The following VPS53 variants were observed in gnomAD, a reference collection of about 807,000 sequenced individuals.
VPS53 encodes vacuolar protein sorting-associated protein 53 homolog.
In VPS53, 70 loss-of-function variants were observed where a neutral mutation model predicts 107.0. The observed-to-expected ratio is 0.65, with a 90% CI of 0.54 to 0.80. The LOEUF (loss-of-function observed/expected upper bound fraction) is 0.80. VPS53 is among the 30% of genes least tolerant of loss of function. The pLI is 0.00. For synonymous variants in VPS53, 409 were observed against 393.3 expected, an observed-to-expected ratio of 1.04 and a Z score of -0.47; for missense variants, 917 against 1,049.4, an observed-to-expected ratio of 0.87 and a Z score of 1.74.
rs763511978 is a variant in VPS53, at chr17:562,573, C to A, written c.1486G>T (p.Ala496Ser). ...TACTTCTGGAAAATGGTGGTCAGGG[C>A]GATCATGGGCTCCCCAGTACTGAGC... is the stretch of plus-strand genomic sequence containing the variant. ...SQLSTGEPMI[A>S]LTTIFQKYLR... The change falls in exon 14 of 22, where the codon GCC (alanine) becomes TCC (serine). Residue 496 changes from alanine (A) to serine (S), a missense_variant. By Grantham distance (99) the Ala-to-Ser change is moderately conservative (BLOSUM62 1). Coordinates refer to ENST00000437048, the MANE Select transcript of VPS53 (RefSeq NM_001128159.3). The A allele has an allele frequency of 2.8e-5, 45 of 1,613,692 alleles. No individual in the cohort carries two copies. The South Asian group carries it at 4.6e-4, about 17-fold the overall frequency.
chr17:714,800 G>T lies in VPS53; in HGVS notation c.-91C>A. 1 of 1,422,600 alleles carries T rather than the reference G, an allele frequency of 7.0e-7. No homozygotes were observed. The highest frequency in any genetic ancestry group is 9.9e-7 in the Non-Finnish European group (1 of 1,012,868). The allele number at this position is 1,422,600 out of a possible 1,614,324, so 88.1% of individuals were successfully genotyped here. On this transcript the variant is annotated 5_prime_UTR_variant, in exon 1 of 22. Coordinates refer to ENST00000437048, the MANE Select transcript of VPS53 (RefSeq NM_001128159.3). ...GCCCCAGCACAGCAACTCCCTCGCG[G>T]CAGCGACCTGGTGAGCCCGGCTCCG...
chr17:665,816 C>A (rs1259886588), intron 4 of VPS53, among the ~76,000 whole-genome samples: 1 of 152,082 alleles, frequency 6.6e-6, no homozygotes, highest in Non-Finnish European at 1.5e-5. Context: ...ACAGCCTGGC[C>A]AACATGGTGA....
chr17:633,808 A>G (rs183305046), intron 7 of VPS53, among the ~76,000 whole-genome samples: 1 of 152,326 alleles, frequency 6.6e-6, no homozygotes, highest in African/African-American at 2.4e-5. Flanking sequence ...GTGAACTTTG[A>G]CATGAGAGAA....
chr17:667,789 G>A (rs560113612), intron 4 of VPS53, among the ~76,000 whole-genome samples: 130 of 152,242 alleles, frequency 8.5e-4, no homozygotes, highest in Middle Eastern at 3.4e-3. Context: ...GAACTGGGCC[G>A]CACAGCAGGA....
At chr17:573,035 A>G (rs1405551055) in intron 13 of VPS53, among the ~76,000 whole-genome samples, 1 of 152,182 alleles carries the variant, frequency 6.6e-6, no homozygotes, top group Admixed American at 6.5e-5. Flanking sequence ...TAAAAATAAA[A>G]ATAAAAATAA....
At chr17:594,918 A>G (rs1967878721) in intron 12 of VPS53, among the ~76,000 whole-genome samples, 1 of 54,268 alleles carries the variant, frequency 1.8e-5, no homozygotes, top group Non-Finnish European at 4.2e-5. Flanking sequence ...GGGAGATGGG[A>G]AGGGGTCTGG....
At position 630,312 on chromosome 17, in the gene VPS53, C is replaced by CA. The variant is rs576863272; in HGVS notation, c.687+1237dup. Among the ~76,000 whole-genome samples the CA allele has an allele frequency of 4.7e-3, 672 of 144,098 alleles. 3 individuals are homozygous for CA. Among genetic ancestry groups the CA allele is most frequent in the African/African-American group, 0.013 (491 of 39,174 alleles). 94.5% of individuals were successfully genotyped at this position (144,098 alleles called of 152,430 possible). Reference sequence around the variant, plus strand: ...GTCAAAAAAAAAACAAACAAACAAACAAAAAAAAAAACCTGAAACGGGCAG... The same window carrying CA: ...GTCAAAAAAAAAACAAACAAACAAACAAAAAAAAAAAACCTGAAACGGGCAG... On this transcript the variant is annotated intron_variant, in intron 8 of 21. Transcript: ENST00000437048.
intron 4 of VPS53, among the ~76,000 whole-genome samples, chr17:688,222 T>C (rs918548359): frequency 2.4e-4 from 37 of 152,004 alleles, no homozygotes; most frequent in African/African-American, 7.7e-4. Context: ...AACCACGGGG[T>C]GGTTTCTCCC....
rs2151782022 is a variant in VPS53, at chr17:510,484, ATATTG to A, written c.*8639_*8643del. On this transcript the variant is annotated 3_prime_UTR_variant, in exon 22 of 22. Coordinates refer to ENST00000437048, the MANE Select transcript of VPS53 (RefSeq NM_001128159.3). Reference sequence around the variant, plus strand: ...TCCTGGCTGACCCCTTACTAGTCACATATTGAATCCTGGCTGACCCCTTACTAGTC... The same window carrying A: ...TCCTGGCTGACCCCTTACTAGTCACAAATCCTGGCTGACCCCTTACTAGTC... 1 of 160,466 alleles carries A rather than the reference ATATTG, an allele frequency of 6.2e-6. No individual in the cohort carries two copies. The highest frequency in any genetic ancestry group is 1.4e-4 in the South Asian group (1 of 6,982). 9.9% of individuals were successfully genotyped at this position (160,466 alleles called of 1,614,324 possible). A position where few individuals can be genotyped will look rare whatever the true frequency, so the allele number is the denominator to read the frequency against.
chr17:697,624 G>A (rs1252134661), intron 3 of VPS53, 140 bp from the exon 4 acceptor site: 3 of 688,866 alleles, frequency 4.4e-6, no homozygotes, highest in East Asian at 5.5e-5. Flanking sequence ...ATGTGTGAGT[G>A]GCATCAGGCA....
chr17:706,472 G>C (rs1162840587), intron 2 of VPS53, among the ~76,000 whole-genome samples: 1 of 151,554 alleles, frequency 6.6e-6, no homozygotes, highest in Non-Finnish European at 1.5e-5. Context: ...AGGAGTTGGA[G>C]GTTGCAGTGA....
In VPS53 at chr17:514,888, GGAA is replaced by G. The variant is rs1446419958; in HGVS notation, c.*4237_*4239del. ...TACTGGCTCTTTGTTCTTCGAGAGA[GGAA>G]GGAGTGGCGGTAGTTAGCTTCAATC... On this transcript the variant is annotated 3_prime_UTR_variant, in exon 22 of 22. Coordinates refer to ENST00000437048, the MANE Select transcript of VPS53 (RefSeq NM_001128159.3). 6.6e-6 allele frequency: 1 copy of G among 152,240 alleles called. No individual in the cohort carries two copies. The highest frequency in any genetic ancestry group is 2.4e-5 in the African/African-American group (1 of 41,434). 9.4% of individuals were successfully genotyped at this position (152,240 alleles called of 1,614,324 possible). A position where few individuals can be genotyped will look rare whatever the true frequency, so the allele number is the denominator to read the frequency against.
chr17:640,223 T>C (rs576793964), intron 7 of VPS53, among the ~76,000 whole-genome samples: 2 of 152,200 alleles, frequency 1.3e-5, no homozygotes, highest in Non-Finnish European at 2.9e-5. Flanking sequence ...AATCTCCTGG[T>C]GTGCCATTTG....
At chr17:535,883 C>G (rs1361959546) in intron 18 of VPS53, among the ~76,000 whole-genome samples, 1 of 152,070 alleles carries the variant, frequency 6.6e-6, no homozygotes, top group Non-Finnish European at 1.5e-5. Flanking sequence ...TTGTGAGGTA[C>G]AGGGAAACTG....
At chr17:676,787 G>A (rs1217851073) in intron 4 of VPS53, among the ~76,000 whole-genome samples, 1 of 151,678 alleles carries the variant, frequency 6.6e-6, no homozygotes, top group Non-Finnish European at 1.5e-5. Context: ...TCTAAGGTCA[G>A]GAAGGAAACA....
chr17:694,201 C>A (rs1202207053), intron 4 of VPS53, among the ~76,000 whole-genome samples: 2 of 152,198 alleles, frequency 1.3e-5, no homozygotes, highest in Non-Finnish European at 2.9e-5. Context: ...GAGACGAATA[C>A]AAAGTTCCAT....
intron 13 of VPS53, among the ~76,000 whole-genome samples, chr17:583,350 T>C (rs1336447961): frequency 4.2e-5 from 6 of 142,928 alleles, no homozygotes; most frequent in African/African-American, 2.6e-5. Flanking sequence ...CCTCAGAACC[T>C]CAATGCGTTC....
At chr17:521,010 G>C (rs1033708177) in intron 20 of VPS53, among the ~76,000 whole-genome samples, 2 of 152,196 alleles carry the variant, frequency 1.3e-5, no homozygotes, top group South Asian at 2.1e-4. Context: ...AGAGCCTACA[G>C]GTCCTGGGCT....
chr17:657,047 G>T, intron 5 of VPS53: 1 of 878,076 alleles, frequency 1.1e-6, no homozygotes, highest in East Asian at 2.4e-5. Context: ...CACCATATAT[G>T]GCTTGCCAGT....
Sources: gnomAD v4.1 joint callset for allele counts (sites outside exome capture counted in the v4.1 genomes callset) on GRCh38, gnomAD v4.1.1 for gene constraint, MANE v1.5 for transcripts, NCBI Gene and HGNC (gene_info 2026-07-23, HGNC 2026-07-21) for gene names.